The following AFF3 variants were observed in gnomAD, a reference collection of about 807,000 sequenced individuals.
AFF3 encodes ALF transcription elongation factor 3, also known as AF4/FMR2 family member 3.
AFF3 carries 32 observed loss-of-function variants against 129.7 expected under a neutral mutation model. That is an observed-to-expected ratio of 0.25 (90% CI 0.19 to 0.33). The LOEUF (loss-of-function observed/expected upper bound fraction) is 0.33, where lower values mean the gene tolerates loss of function less well. AFF3 is among the 10% of genes least tolerant of loss of function. The probability of loss-of-function intolerance (pLI) is 1.00; values close to 1 mark genes in which losing one functional copy is unlikely to be tolerated. For missense variants in AFF3, 1,373 were observed against 1,592.0 expected (o/e 0.86, Z 2.34); for synonymous variants, 644 against 635.4 (o/e 1.01, Z -0.20).
intron 8 of AFF3, among the ~76,000 whole-genome samples, chr2:99,821,183 C>G (rs1230131010): frequency 6.6e-6 from 1 of 152,140 alleles, no homozygotes; most frequent in Non-Finnish European, 1.5e-5. Flanking sequence ...TCCCCTACAT[C>G]TTTTCCCACT....
At chr2:99,794,723 C>T (rs1246443392) in intron 8 of AFF3, among the ~76,000 whole-genome samples, 2 of 152,138 alleles carry the variant, frequency 1.3e-5, no homozygotes, top group East Asian at 1.9e-4. Flanking sequence ...CTCAGTGAGA[C>T]TTCTAGTTCT....
chr2:99,715,081 C>G (rs965848713), intron 11 of AFF3, among the ~76,000 whole-genome samples: 2 of 152,222 alleles, frequency 1.3e-5, no homozygotes, highest in African/African-American at 4.8e-5. Context: ...GCATCCTTCA[C>G]TCTGGGGAGA....
intron 13 of AFF3, among the ~76,000 whole-genome samples, chr2:99,625,603 T>C (rs1682465766): frequency 6.6e-6 from 1 of 152,144 alleles, no homozygotes; most frequent in Non-Finnish European, 1.5e-5. Context: ...CTGGGTTGTA[T>C]GACAGGATAC....
At chr2:99,686,080 C>T (rs1321844791) in intron 11 of AFF3, among the ~76,000 whole-genome samples, 1 of 152,120 alleles carries the variant, frequency 6.6e-6, no homozygotes, top group African/African-American at 2.4e-5. Context: ...GTCCCAGCTA[C>T]TCAGGAGGCT....
intron 4 of AFF3, among the ~76,000 whole-genome samples, chr2:100,066,692 C>A (rs943999620): frequency 6.6e-6 from 1 of 152,132 alleles, no homozygotes; most frequent in Non-Finnish European, 1.5e-5. Flanking sequence ...CTGAGTAGTG[C>A]ATCAGAACAC....
intron 8 of AFF3, among the ~76,000 whole-genome samples, chr2:99,803,566 G>A (rs1250506369): frequency 6.6e-6 from 1 of 151,896 alleles, no homozygotes; most frequent in African/African-American, 2.4e-5. Context: ...CATTTTCACA[G>A]AACAATAAAA....
chr2:99,976,381 C>T (rs1678889600), intron 7 of AFF3, among the ~76,000 whole-genome samples: 1 of 152,142 alleles, frequency 6.6e-6, no homozygotes, highest in African/African-American at 2.4e-5. Flanking sequence ...GGCCCAAGGA[C>T]TCAATGAAAT....
chr2:100,021,244 G>A (rs995242960), intron 4 of AFF3, among the ~76,000 whole-genome samples: 1 of 152,178 alleles, frequency 6.6e-6, no homozygotes, highest in Non-Finnish European at 1.5e-5. Context: ...TAAGAAGAAA[G>A]TCTACATCTA....
At chr2:99,887,587 G>A (rs548639945) in intron 7 of AFF3, among the ~76,000 whole-genome samples, 1 of 152,268 alleles carries the variant, frequency 6.6e-6, no homozygotes, top group Non-Finnish European at 1.5e-5. Context: ...TGTTTACCAG[G>A]AAATATAAGC....
intron 2 of AFF3, among the ~76,000 whole-genome samples, chr2:100,120,577 G>T (rs931018677): frequency 8.0e-5 from 12 of 150,838 alleles, no homozygotes; most frequent in Admixed American, 6.6e-4. Flanking sequence ...AGGAAGGGAA[G>T]AAATTCTCCC....
chr2:99,812,683 A>C (rs980792512), intron 8 of AFF3, among the ~76,000 whole-genome samples: 2 of 152,226 alleles, frequency 1.3e-5, no homozygotes, highest in Non-Finnish European at 2.9e-5. Flanking sequence ...TAACGGCACT[A>C]TGAATAATAA....
chr2:99,680,803 C>T (rs1674454075), intron 11 of AFF3, among the ~76,000 whole-genome samples: 2 of 152,082 alleles, frequency 1.3e-5, no homozygotes. Context: ...CTAAAAGAGT[C>T]CCTAATTAAG....
chr2:100,012,954 G>A (rs1402083297), intron 4 of AFF3, among the ~76,000 whole-genome samples: 1 of 152,036 alleles, frequency 6.6e-6, no homozygotes, highest in Non-Finnish European at 1.5e-5. Context: ...GTCACCAAAT[G>A]TATTTATTTA....
intron 4 of AFF3, among the ~76,000 whole-genome samples, chr2:100,060,104 C>T (rs1166175611): frequency 3.3e-5 from 5 of 152,042 alleles, no homozygotes; most frequent in African/African-American, 1.2e-4. Flanking sequence ...CCTCCATCCT[C>T]CTTTGGTTCA....
intron 8 of AFF3, among the ~76,000 whole-genome samples, chr2:99,821,329 T>C (rs976883010): frequency 6.6e-6 from 1 of 152,172 alleles, no homozygotes; most frequent in African/African-American, 2.4e-5. Context: ...GCAGAAGGAA[T>C]ATGCTCTAAA....
intron 18 of AFF3, among the ~76,000 whole-genome samples, chr2:99,577,236 T>C (rs1183335527): frequency 6.6e-6 from 1 of 152,178 alleles, no homozygotes; most frequent in Non-Finnish European, 1.5e-5. Flanking sequence ...CAGGGAATTG[T>C]ACAGAGGTGA....
intron 2 of AFF3, among the ~76,000 whole-genome samples, chr2:100,118,867 A>G (rs1172956023): frequency 1.3e-5 from 2 of 150,624 alleles, no homozygotes; most frequent in Non-Finnish European, 1.5e-5. Context: ...GCTAGGGTGC[A>G]GTGATCCCAG....
chr2:99,794,020 T>C (rs1004245380), intron 8 of AFF3, among the ~76,000 whole-genome samples: 6 of 152,254 alleles, frequency 3.9e-5, no homozygotes, highest in African/African-American at 1.4e-4. Flanking sequence ...CTTTGACACA[T>C]GGATTTAGAA....
At chr2:100,008,530 C>T (rs534905156) in intron 5 of AFF3, among the ~76,000 whole-genome samples, 8 of 152,106 alleles carry the variant, frequency 5.3e-5, no homozygotes, top group South Asian at 2.1e-4. Context: ...TATGTCAACG[C>T]GGAGATGAAG....
Sources: allele counts gnomAD v4.1 joint callset (sites outside exome capture counted in the v4.1 genomes callset), GRCh38; gene constraint gnomAD v4.1.1; transcripts MANE v1.5; gene names NCBI Gene and HGNC (gene_info 2026-07-23, HGNC 2026-07-21).